The following FOXO1 variants were observed in gnomAD, a reference collection of about 807,000 sequenced individuals.
The protein encoded by FOXO1 is forkhead box O1.
A neutral mutation model predicts 44.1 loss-of-function variants in FOXO1; 6 were observed. The observed-to-expected ratio is 0.14, with a 90% CI of 0.07 to 0.27. The LOEUF (loss-of-function observed/expected upper bound fraction) is 0.27, where lower values mean the gene tolerates loss of function less well. Ranked by LOEUF, FOXO1 falls within the 10% of genes least tolerant of loss-of-function variation. FOXO1 has a pLI of 1.00. For missense variants in FOXO1, 737 were observed against 888.8 expected (o/e 0.83, Z 2.17); for synonymous variants, 380 against 362.7 (o/e 1.05, Z -0.54).
At chr13:40,569,394 G>C (rs1049607933) in intron 1 of FOXO1, among the ~76,000 whole-genome samples, 3 of 152,172 alleles carry the variant, frequency 2.0e-5, no homozygotes, top group Non-Finnish European at 4.4e-5. Context: ...ACATGAAGTT[G>C]CCTGGTGCAT....
chr13:40,623,076 T>G (rs942447980), intron 1 of FOXO1, among the ~76,000 whole-genome samples: 1 of 151,906 alleles, frequency 6.6e-6, no homozygotes, highest in Non-Finnish European at 1.5e-5. Flanking sequence ...CAAAACCACC[T>G]GATTTGCATT....
intron 1 of FOXO1, among the ~76,000 whole-genome samples, chr13:40,627,841 A>C (rs993258917): frequency 2.6e-5 from 4 of 152,018 alleles, no homozygotes; most frequent in Admixed American, 1.3e-4. Flanking sequence ...TAAAAAAAAA[A>C]AAAAACAAAC....
At chr13:40,565,347 C>T (rs976700987) in intron 1 of FOXO1, among the ~76,000 whole-genome samples, 3 of 152,178 alleles carry the variant, frequency 2.0e-5, no homozygotes, top group Non-Finnish European at 4.4e-5. Flanking sequence ...GATGACACAA[C>T]CCATAGACTG....
intron 1 of FOXO1, among the ~76,000 whole-genome samples, chr13:40,581,441 C>T (rs912451489): frequency 9.2e-5 from 14 of 152,326 alleles, no homozygotes; most frequent in South Asian, 2.1e-4. Flanking sequence ...CATCTGCTTC[C>T]TGTTTTATGC....
At chr13:40,642,244 T>C (rs190771323) in intron 1 of FOXO1, among the ~76,000 whole-genome samples, 12 of 152,328 alleles carry the variant, frequency 7.9e-5, no homozygotes, top group Admixed American at 5.9e-4. Flanking sequence ...TCTAATTCTA[T>C]AGATTTTTTT....
intron 1 of FOXO1, among the ~76,000 whole-genome samples, chr13:40,628,591 C>T (rs1036726189): frequency 6.6e-6 from 1 of 152,080 alleles, no homozygotes; most frequent in African/African-American, 2.4e-5. Context: ...ATAGTGGAAT[C>T]GACTCATACG....
intron 1 of FOXO1, among the ~76,000 whole-genome samples, chr13:40,648,033 T>C (rs1334974529): frequency 6.6e-6 from 1 of 152,240 alleles, no homozygotes; most frequent in East Asian, 1.9e-4. Context: ...TAAGTTTCAA[T>C]CATCTGACTC....
At chr13:40,620,364 C>A in intron 1 of FOXO1, 2 of 715,522 alleles carry the variant, frequency 2.8e-6, no homozygotes, top group South Asian at 1.5e-5. Context: ...AATCATTTCT[C>A]GTTTAGAGCG....
intron 1 of FOXO1, among the ~76,000 whole-genome samples, chr13:40,569,020 A>G (rs1215477050): frequency 6.6e-6 from 1 of 152,222 alleles, no homozygotes; most frequent in African/African-American, 2.4e-5. Flanking sequence ...TTCCTCCCCT[A>G]GCCAAGCCAA....
chr13:40,630,483 G>A (rs757597951), intron 1 of FOXO1, among the ~76,000 whole-genome samples: 7 of 152,002 alleles, frequency 4.6e-5, no homozygotes, highest in Non-Finnish European at 7.4e-5. Context: ...GTGAAACCCC[G>A]TGTCCACTAA....
chr13:40,654,322 T>TAAAAAAAAAAAAAAAAA (rs11344939), intron 1 of FOXO1, among the ~76,000 whole-genome samples: 14 of 48,196 alleles, frequency 2.9e-4, no homozygotes, highest in African/African-American at 6.6e-4. Flanking sequence ...CTAAAAATAC[T>TAAAAAAAAAAAAAAAAA]AAAAAAAAAA....
At chr13:40,597,457 G>T (rs2137874173) in intron 1 of FOXO1, among the ~76,000 whole-genome samples, 1 of 152,230 alleles carries the variant, frequency 6.6e-6, no homozygotes, top group East Asian at 1.9e-4. Flanking sequence ...AGAGCCCAAG[G>T]CCCTTTTTTA....
intron 1 of FOXO1, among the ~76,000 whole-genome samples, chr13:40,627,187 G>A (rs1394951632): frequency 1.3e-5 from 2 of 152,092 alleles, no homozygotes; most frequent in East Asian, 3.9e-4. Flanking sequence ...GGGAATCAGA[G>A]CACAAAGTCC....
At chr13:40,599,529 A>G (rs1048966785) in intron 1 of FOXO1, among the ~76,000 whole-genome samples, 3 of 152,244 alleles carry the variant, frequency 2.0e-5, no homozygotes, top group African/African-American at 7.2e-5. Context: ...AGGTACTGTC[A>G]CTTACTAGCA....
At chr13:40,590,521 T>C (rs935746441) in intron 1 of FOXO1, among the ~76,000 whole-genome samples, 1 of 152,212 alleles carries the variant, frequency 6.6e-6, no homozygotes, top group East Asian at 1.9e-4. Flanking sequence ...AACTAAAATA[T>C]GGAACCTTGA....
chr13:40,665,906 T>TGGCGGCCGC lies in FOXO1; in HGVS notation c.298_306dup (p.Ala100_Ala102dup). 2.5e-6 allele frequency: 3 copies of TGGCGGCCGC among 1,178,040 alleles called. No homozygotes were observed. Among genetic ancestry groups the TGGCGGCCGC allele is most frequent in the Non-Finnish European group, 3.1e-6 (3 of 956,856 alleles). 73.0% of individuals were successfully genotyped at this position (1,178,040 alleles called of 1,614,324 possible). A position where few individuals can be genotyped will look rare whatever the true frequency, so the allele number is the denominator to read the frequency against. ...TGGAAGTCCCCGCACAGCCCCCCGGTGGCGGCCGCGGCGGCCGCCGCCGCC... is the reference window on the plus strand; with the variant it reads ...TGGAAGTCCCCGCACAGCCCCCCGGTGGCGGCCGCGGCGGCCGCGGCGGCCGCCGCCGCC... On this transcript the variant is annotated inframe_insertion, in exon 1 of 3. Coordinates refer to ENST00000379561, the MANE Select transcript of FOXO1 (RefSeq NM_002015.4).
chr13:40,644,988 G>A (rs60018329), intron 1 of FOXO1, among the ~76,000 whole-genome samples: 14,815 of 152,216 alleles, frequency 0.097, 920 homozygotes, highest in East Asian at 0.24. Context: ...ACTACTGCTG[G>A]CGACAGAGTC....
chr13:40,631,673 C>T lies in FOXO1; in HGVS notation c.630+33910G>A, dbSNP rs556461490. On this transcript the variant is annotated intron_variant, in intron 1 of 2. Coordinates refer to ENST00000379561, the MANE Select transcript of FOXO1 (RefSeq NM_002015.4). ...TGTGCTAAGTGAAATAAACCAGTCA[C>T]AAAATAGGATTCCACTCCTATAAAG... Among the ~76,000 whole-genome samples the T allele has an allele frequency of 1.5e-4, 23 of 152,220 alleles. No homozygotes were observed. In the East Asian group the frequency reaches 4.4e-3, roughly 29 times the overall value.
Position 40,581,005 on chromosome 13 carries a change from GCAA to G in FOXO1, c.631-20148_631-20146del, listed in dbSNP as rs1874936074. On this transcript the variant is annotated intron_variant, in intron 1 of 2. Coordinates refer to ENST00000379561, the MANE Select transcript of FOXO1 (RefSeq NM_002015.4). ...TGGGCCTTCTTGGGTTATGGTCAGG[GCAA>G]CAACATTGGAAAGCCTGCCAAGAGA... is the stretch of plus-strand genomic sequence containing the variant. Among the ~76,000 whole-genome samples, 4 of 152,190 alleles carry G rather than the reference GCAA, an allele frequency of 2.6e-5. No homozygotes were observed. The South Asian group carries it at 8.3e-4, about 32-fold the overall frequency.
Sources: allele counts gnomAD v4.1 joint callset (sites outside exome capture counted in the v4.1 genomes callset), GRCh38; gene constraint gnomAD v4.1.1; transcripts MANE v1.5; gene names NCBI Gene and HGNC (gene_info 2026-07-23, HGNC 2026-07-21).